Variants in PER2 observed in about 807,000 individuals in gnomAD.
PER2 encodes period circadian regulator 2.
A neutral mutation model predicts 121.0 loss-of-function variants in PER2; 66 were observed. The observed-to-expected ratio is 0.55, with a 90% confidence interval of 0.45 to 0.67. The LOEUF is 0.67. PER2 is among the 30% of genes least tolerant of loss of function. PER2 has a pLI of 0.00. For missense variants in PER2, 1,521 were observed against 1,635.0 expected (o/e 0.93, Z 1.20); for synonymous variants, 684 against 659.9 (o/e 1.04, Z -0.56).
intron 6 of PER2, 98 bp from the exon 7 acceptor site, chr2:238,269,072 G>T: frequency 1.0e-6 from 1 of 952,946 alleles, no homozygotes; most frequent in Non-Finnish European, 1.7e-6. Context: ...AATCAAGCAA[G>T]ATTCAAGGTG....
rs775687700 is a variant in PER2 at position 238,262,294 on chromosome 2, C to T, written c.1204G>A (p.Ala402Thr). 9 of 1,613,874 alleles carry T rather than the reference C, an allele frequency of 5.6e-6. No homozygotes were observed. The highest frequency in any genetic ancestry group is 3.3e-5 in the South Asian group (3 of 91,076). ...PFDYSPIRFR[A>T]RNGEYITLDT... is the part of the protein sequence containing the mutation. ...AACGTGATGTACTCTCCGTTCCGGG[C>T]GCGAAACCGAATGGGAGAATAGTCG... The change falls in exon 11 of 23, where the codon GCC becomes ACC. Residue 402 changes from alanine to threonine, a missense_variant. Transcript: ENST00000254657.
rs768522508 is a variant in PER2, at chr2:238,253,610, G to C, written c.2413C>G (p.Arg805Gly). ...GATCCGGTGCTCTCAGATGAGTCTC[G>C]AGGTTTGACCCGCTTGGACTTCAAT... ...RKLKSKRVKP[R>G]DSSESTGSGG... Residue 805 changes from arginine to glycine, a missense_variant, in exon 19 of 23, where the codon CGA becomes GGA. Transcript: ENST00000254657. The surrounding 1 kb of genome is among the most constrained non-coding windows in gnomAD (Gnocchi z 5.6). The C allele has an allele frequency of 6.2e-7, 1 of 1,610,048 alleles. No individual in the cohort carries two copies. Among genetic ancestry groups the C allele is most frequent in the Non-Finnish European group, 8.5e-7 (1 of 1,178,144 alleles).
intron 13 of PER2, among the ~76,000 whole-genome samples, 192 bp downstream of exon 13, chr2:238,260,636 A>T (rs766245425): frequency 2.9e-4 from 44 of 152,214 alleles, no homozygotes; most frequent in Non-Finnish European, 6.0e-4. Context: ...ACCAACACTT[A>T]GCTATGGTTT....
intron 1 of PER2, among the ~76,000 whole-genome samples, chr2:238,278,859 C>T (rs556796892): frequency 6.4e-4 from 98 of 152,310 alleles, no homozygotes; most frequent in African/African-American, 2.1e-3. Flanking sequence ...TTCACATTTA[C>T]TGGGAATGGT....
Position 238,277,170 on chromosome 2 carries a change from A to G in PER2, c.254T>C (p.Met85Thr), listed in dbSNP as rs1289653908. The G allele has an allele frequency of 1.2e-6, 2 of 1,613,296 alleles. No homozygotes were observed. Among genetic ancestry groups the G allele is most frequent in the African/African-American group, 2.7e-5 (2 of 74,920 alleles). The stretch of plus-strand genomic sequence containing the variant: ...AGATGGGTTGTGTTCAGATTTTGCC[A>G]TCATCAGGCTAAAGGTATCTGGACT... ...RQSPDTFSLMMAKSEHNPSTS... is the reference protein window; with the variant it reads ...RQSPDTFSLMTAKSEHNPSTS... Residue 85 changes from methionine to threonine, a missense_variant, in exon 3 of 23, where the codon ATG becomes ACG. Met to Thr is a moderately conservative substitution (Grantham distance 81). Coordinates refer to ENST00000254657, the MANE Select transcript of PER2 (RefSeq NM_022817.3).
At chr2:238,273,459 C>T (rs899247115) in intron 4 of PER2, among the ~76,000 whole-genome samples, 20 of 151,120 alleles carry the variant, frequency 1.3e-4, no homozygotes, top group East Asian at 9.7e-4. Flanking sequence ...GTAATACGGT[C>T]GCAGAGTTCC....
Position 238,275,816 on chromosome 2 carries a change from G to T in PER2, c.375C>A (p.Asp125Glu), listed in dbSNP as rs1354706320. Residue 125 changes from aspartate (D) to glutamate (E), a missense_variant, in exon 4 of 23, where the codon GAC becomes GAA. Asp to Glu is a conservative substitution (Grantham distance 45, BLOSUM62 2). Transcript: ENST00000254657. ...TACTGGCCTTGCCCTTGGCCTTCTT[G>T]TCTGCAGGGAGGTGGACCTTCAGCT... ...LKELKVHLPA[D>E]KKAKGKASTL... 1 of 1,614,182 alleles carries T rather than the reference G, an allele frequency of 6.2e-7. No individual in the cohort carries two copies. Among genetic ancestry groups the T allele is most frequent in the Non-Finnish European group, 8.5e-7 (1 of 1,179,962 alleles).
At chr2:238,251,894 C>T (rs970763871) in intron 19 of PER2, 133 bp from the exon 20 acceptor site, 1 of 776,040 alleles carries the variant, frequency 1.3e-6, no homozygotes, top group Admixed American at 2.0e-5. Context: ...AGGTTCACGG[C>T]CAGGGACGGC....
intron 1 of PER2, among the ~76,000 whole-genome samples, chr2:238,279,281 G>T (rs1193997499): frequency 1.3e-5 from 2 of 152,176 alleles, no homozygotes; most frequent in Non-Finnish European, 2.9e-5. Context: ...AGGCTCTGGG[G>T]TGATGCTGCT....
rs1559335543 is a variant in PER2, at chr2:238,277,866, C to CTGGG, written c.67_70dup (p.Ser24ThrfsTer20). On this transcript the variant is annotated frameshift_variant, in exon 2 of 23. Coordinates refer to ENST00000254657, the MANE Select transcript of PER2 (RefSeq NM_022817.3). LOFTEE classifies it high-confidence loss of function. ...CACATCTTCCTGCAGTGGGACCTGGCTGGGCTGGGGCTCCACGGGCTCCTT... is the reference window on the plus strand; with the variant it reads ...CACATCTTCCTGCAGTGGGACCTGGCTGGGTGGGCTGGGGCTCCACGGGCTCCTT... The CTGGG allele has an allele frequency of 1.2e-6, 2 of 1,614,206 alleles. No homozygotes were observed. Among genetic ancestry groups the CTGGG allele is most frequent in the South Asian group, 2.2e-5 (2 of 91,088 alleles).
intron 13 of PER2, among the ~76,000 whole-genome samples, chr2:238,260,491 G>A (rs1423961833): frequency 6.6e-6 from 1 of 152,144 alleles, no homozygotes; most frequent in African/African-American, 2.4e-5. Flanking sequence ...CCTGACCTTA[G>A]GTGATCCGCC....
rs1441307429 is a variant in PER2 at position 238,265,577 on chromosome 2, A to G, written c.981T>C (p.Pro327=). 8 of 1,594,550 alleles carry G rather than the reference A, an allele frequency of 5.0e-6. No individual in the cohort carries two copies. The highest frequency in any genetic ancestry group is 6.9e-6 in the Non-Finnish European group (8 of 1,162,148). The stretch of plus-strand genomic sequence containing the variant: ...TGGTTGTAAAAATTCTCTTTTCAGG[A>G]GGAATTCTAGGGGCTGAAAGAACAG... ...VHSGYEAPRI[P]PEKRIFTTTH... Residue 327 remains proline, a synonymous_variant, in exon 9 of 23, where the codon CCT becomes CCC. Transcript: ENST00000254657.
At chr2:238,282,463 C>G (rs753522162) in intron 1 of PER2, among the ~76,000 whole-genome samples, 17 of 152,234 alleles carry the variant, frequency 1.1e-4, no homozygotes, top group Non-Finnish European at 2.5e-4. Context: ...CTGGCACGTA[C>G]TGTTGAAGAC....
chr2:238,247,990 C>A (rs982541345), intron 22 of PER2, among the ~76,000 whole-genome samples: 3 of 152,208 alleles, frequency 2.0e-5, no homozygotes, highest in Non-Finnish European at 2.9e-5. Context: ...CTTCATCTAC[C>A]TTCAAGGTTA....
chr2:238,245,098 T>TAG lies in PER2; in HGVS notation c.*1275_*1276dup, dbSNP rs1695412959. 1 of 140,808 alleles carries TAG rather than the reference T, an allele frequency of 7.1e-6. No homozygotes were observed. 8.7% of individuals were successfully genotyped at this position (140,808 alleles called of 1,614,324 possible). ...AAACCCTGGTCCCTTTTAAGCCTCA[T>TAG]AGTCTTGGTCCAATTTTAAGTCAAC... On this transcript the variant is annotated 3_prime_UTR_variant, in exon 23 of 23. Coordinates refer to ENST00000254657, the MANE Select transcript of PER2 (RefSeq NM_022817.3).
In PER2 at chr2:238,248,013, C is replaced by T. The variant is rs114718156; in HGVS notation, c.3618+1049G>A. On this transcript the variant is annotated intron_variant, in intron 22 of 22. Coordinates refer to ENST00000254657, the MANE Select transcript of PER2 (RefSeq NM_022817.3). ...ACCTTCAAGGTTAAACCCAGACAAT[C>T]TGCCAACCCACCAGCTGGGGCCTGA... Among the ~76,000 whole-genome samples, 947 of 152,332 alleles carry T rather than the reference C, an allele frequency of 6.2e-3. 6 individuals carry two copies. The highest frequency in any genetic ancestry group is 0.011 in the Non-Finnish European group (754 of 68,020).
At chr2:238,279,585 G>A (rs960127681) in intron 1 of PER2, among the ~76,000 whole-genome samples, 5 of 152,192 alleles carry the variant, frequency 3.3e-5, no homozygotes, top group South Asian at 2.1e-4. Context: ...CATGGCATCC[G>A]TTTGGCCCTT....
intron 5 of PER2, among the ~76,000 whole-genome samples, chr2:238,272,535 G>A (rs548447160): frequency 7.9e-5 from 12 of 152,356 alleles, no homozygotes; most frequent in African/African-American, 2.9e-4. Flanking sequence ...CCAGCTTCAT[G>A]ATGGTCCCAG....
intron 16 of PER2, 145 bp downstream of exon 16, chr2:238,258,131 G>T: frequency 1.1e-6 from 1 of 890,308 alleles, no homozygotes; most frequent in South Asian, 1.4e-5. Context: ...TTCCTAAGAA[G>T]GGTGCTGACT....
Sources: gnomAD v4.1 joint callset for allele counts (sites outside exome capture counted in the v4.1 genomes callset) on GRCh38, gnomAD v4.1.1 for gene constraint, Gnocchi (gnomAD v3.1) non-coding constraint, MANE v1.5 for transcripts, NCBI Gene and HGNC (gene_info 2026-07-23, HGNC 2026-07-21) for gene names.